PCDH15: variants seen among roughly 807,000 people sequenced by gnomAD.
PCDH15 encodes the protein protocadherin-15.
A neutral mutation model predicts 178.5 loss-of-function variants in PCDH15; 129 were observed. The ratio of observed to expected loss-of-function variants is 0.72; its 90% CI spans 0.63 to 0.84. The LOEUF (loss-of-function observed/expected upper bound fraction) is 0.84, where lower values mean the gene tolerates loss of function less well. Ranked by LOEUF, PCDH15 falls within the 40% of genes least tolerant of loss-of-function variation. The probability of loss-of-function intolerance (pLI) is 0.00; values close to 1 mark genes in which losing one functional copy is unlikely to be tolerated. For synonymous variants in PCDH15, 800 were observed against 732.0 expected, an observed-to-expected ratio of 1.09 and a Z score of -1.50; for missense variants, 2,230 against 2,099.9, an observed-to-expected ratio of 1.06 and a Z score of -1.21.
intron 2 of PCDH15, among the ~76,000 whole-genome samples, chr10:55,365,290 G>A (rs933855959): frequency 6.6e-6 from 1 of 152,098 alleles, no homozygotes; most frequent in African/African-American, 2.4e-5. Flanking sequence ...CAGGTTTGAT[G>A]TATGTTATTT....
chr10:53,853,589 C>A (rs1368377009), intron 28 of PCDH15, among the ~76,000 whole-genome samples: 2 of 151,910 alleles, frequency 1.3e-5, no homozygotes, highest in Non-Finnish European at 2.9e-5. Context: ...AATCAAGTAA[C>A]CCAATTAAAA....
chr10:53,976,452 C>T lies in PCDH15; in HGVS notation c.2869-14560G>A, dbSNP rs141998739. ...TATTGACCTTATCAAACACCAACCTCCTTCCTACCTCAAGCTTTTCCATTT... is the reference window on the plus strand; with the variant it reads ...TATTGACCTTATCAAACACCAACCTTCTTCCTACCTCAAGCTTTTCCATTT... On this transcript the variant is annotated intron_variant, in intron 21 of 37. Transcript: ENST00000644397. 7.0e-4 allele frequency among the ~76,000 whole-genome samples: 107 copies of T among 152,270 alleles called. No individual in the cohort carries two copies. In the Middle Eastern group the frequency reaches 0.014, roughly 19 times the overall value.
intron 2 of PCDH15, among the ~76,000 whole-genome samples, chr10:55,569,881 G>A (rs1433813397): frequency 6.6e-6 from 1 of 151,724 alleles, no homozygotes; most frequent in Non-Finnish European, 1.5e-5. Context: ...CTAAATATTG[G>A]TCTCCTGAGG....
chr10:54,937,727 A>G (rs1014219489), intron 2 of PCDH15, among the ~76,000 whole-genome samples: 2 of 152,020 alleles, frequency 1.3e-5, no homozygotes, highest in African/African-American at 4.8e-5. Context: ...CTAAATTACT[A>G]CTACAGAAAA....
At chr10:54,160,888 C>T (rs1474913303) in intron 13 of PCDH15, among the ~76,000 whole-genome samples, 1 of 152,218 alleles carries the variant, frequency 6.6e-6, no homozygotes, top group African/African-American at 2.4e-5. Context: ...AACAAATGAA[C>T]TGACAATACT....
At chr10:54,762,732 A>T (rs959788491) in intron 1 of PCDH15, among the ~76,000 whole-genome samples, 2 of 152,130 alleles carry the variant, frequency 1.3e-5, no homozygotes, top group Non-Finnish European at 2.9e-5. Context: ...TTTAAATTGA[A>T]CATTTATGAA....
intron 11 of PCDH15, among the ~76,000 whole-genome samples, chr10:54,192,154 A>AAGAAAGAGAAAG (rs1554832302): frequency 7.5e-6 from 1 of 132,566 alleles, no homozygotes; most frequent in Non-Finnish European, 1.6e-5. Context: ...GAAAGAAAGA[A>AAGAAAGAGAAAG]AAAGAAAGAA....
At chr10:55,209,137 TGAA>T (rs1840489804) in intron 1 of PCDH15, among the ~76,000 whole-genome samples, 1 of 152,068 alleles carries the variant, frequency 6.6e-6, no homozygotes, top group Non-Finnish European at 1.5e-5. Context: ...TAAATGATGA[TGAA>T]TTTACACAGG....
At chr10:54,948,986 C>A (rs1006497276) in intron 2 of PCDH15, among the ~76,000 whole-genome samples, 1 of 151,594 alleles carries the variant, frequency 6.6e-6, no homozygotes, top group Non-Finnish European at 1.5e-5. Flanking sequence ...TATGCACATA[C>A]TGTACATATA....
chr10:55,263,624 C>T (rs1842203166), intron 1 of PCDH15, among the ~76,000 whole-genome samples: 4 of 152,050 alleles, frequency 2.6e-5, no homozygotes, highest in African/African-American at 9.7e-5. Flanking sequence ...TGTTTCTCCA[C>T]TGGGGGAAGG....
At chr10:54,898,283 T>C (rs957684334) in intron 2 of PCDH15, among the ~76,000 whole-genome samples, 6 of 152,220 alleles carry the variant, frequency 3.9e-5, no homozygotes, top group Non-Finnish European at 8.8e-5. Flanking sequence ...AATATGTTCA[T>C]TTATTTAAAA....
chr10:54,159,633 G>C lies in PCDH15; in HGVS notation c.1591-6340C>G, dbSNP rs554477610. On this transcript the variant is annotated intron_variant, in intron 13 of 37. Coordinates refer to ENST00000644397, the MANE Select transcript of PCDH15 (RefSeq NM_001384140.1). ...GGTTTGCTTTTTGATTATTTTTCTA[G>C]GATTATTGTGCTTCGAGATTTTGGT... Among the ~76,000 whole-genome samples, 8 of 152,026 alleles carry C rather than the reference G, an allele frequency of 5.3e-5. No individual in the cohort carries two copies. In the South Asian group the frequency reaches 1.7e-3, roughly 32 times the overall value.
intron 9 of PCDH15, among the ~76,000 whole-genome samples, chr10:54,221,007 T>C (rs1324970423): frequency 1.3e-5 from 2 of 151,486 alleles, no homozygotes; most frequent in Non-Finnish European, 2.9e-5. Context: ...ACACAATGTT[T>C]ACAGTCAACC....
chr10:55,176,731 C>G (rs1316569791), intron 1 of PCDH15, among the ~76,000 whole-genome samples: 1 of 152,090 alleles, frequency 6.6e-6, no homozygotes, highest in Non-Finnish European at 1.5e-5. Flanking sequence ...CCTGCTAACT[C>G]AAGTACCTGA....
chr10:55,279,721 G>T (rs986414291), intron 1 of PCDH15, among the ~76,000 whole-genome samples: 1 of 152,130 alleles, frequency 6.6e-6, no homozygotes, highest in African/African-American at 2.4e-5. Context: ...AATAGAAAGA[G>T]ATATCATTTT....
At chr10:54,924,457 C>A (rs1368283812) in intron 2 of PCDH15, among the ~76,000 whole-genome samples, 1 of 137,374 alleles carries the variant, frequency 7.3e-6, no homozygotes, top group East Asian at 2.0e-4. Context: ...TGGGTATATG[C>A]CCAGTAATGT....
chr10:55,359,312 G>A (rs968992830), intron 2 of PCDH15, among the ~76,000 whole-genome samples: 24 of 151,808 alleles, frequency 1.6e-4, no homozygotes, highest in Non-Finnish European at 2.8e-4. Context: ...ATTTTAAAAT[G>A]TGCTATAATT....
chr10:54,417,928 G>T (rs984760105), intron 3 of PCDH15, among the ~76,000 whole-genome samples: 1 of 151,998 alleles, frequency 6.6e-6, no homozygotes, highest in African/African-American at 2.4e-5. Context: ...TTGTAGAGAG[G>T]GTCTTATTAT....
chr10:53,983,398 A>G (rs2090838176), intron 21 of PCDH15, among the ~76,000 whole-genome samples: 1 of 150,968 alleles, frequency 6.6e-6, no homozygotes, highest in African/African-American at 2.4e-5. Context: ...CTCTTCATGT[A>G]ACCACTGAGA....
Sources: gnomAD v4.1 joint callset for allele counts (sites outside exome capture counted in the v4.1 genomes callset) on GRCh38, gnomAD v4.1.1 for gene constraint, MANE v1.5 for transcripts, NCBI Gene and HGNC (gene_info 2026-07-23, HGNC 2026-07-21) for gene names.